The following MFSD2A variants were observed in gnomAD, a reference collection of about 807,000 sequenced individuals.
The protein encoded by MFSD2A is sodium-dependent lysophosphatidylcholine symporter 1.
In MFSD2A, 27 loss-of-function variants were observed where a neutral mutation model predicts 64.7. The observed-to-expected ratio is 0.42, with a 90% confidence interval of 0.31 to 0.58. The LOEUF is 0.58. Ranked by LOEUF, MFSD2A falls within the 20% of genes least tolerant of loss-of-function variation. The probability of loss-of-function intolerance (pLI) is 0.18; values close to 1 mark genes in which losing one functional copy is unlikely to be tolerated. For missense variants in MFSD2A, 474 were observed against 679.5 expected, an observed-to-expected ratio of 0.70 and a Z score of 3.36; for synonymous variants, 258 against 273.4, an observed-to-expected ratio of 0.94 and a Z score of 0.55.
chr1:39,965,164 C>A lies in MFSD2A; in HGVS notation c.354-47C>A. On this transcript the variant is annotated intron_variant, in intron 3 of 13. Transcript: ENST00000372811. This position sits in a 1 kb window ranked among gnomAD's most constrained non-coding sequence, Gnocchi z 5.5. ...CACAGCAGACTGGGCTGGGCCTGGTCCTGGGCTCCAGCCTCCAGCCTCCAC... is the reference window on the plus strand; with the variant it reads ...CACAGCAGACTGGGCTGGGCCTGGTACTGGGCTCCAGCCTCCAGCCTCCAC... The A allele has an allele frequency of 6.2e-7, 1 of 1,604,172 alleles. No individual in the cohort carries two copies. Among genetic ancestry groups the A allele is most frequent in the Non-Finnish European group, 8.5e-7 (1 of 1,177,462 alleles).
chr1:39,961,873 C>A (rs1645051585), intron 3 of MFSD2A, among the ~76,000 whole-genome samples: 1 of 152,136 alleles, frequency 6.6e-6, no homozygotes, highest in Non-Finnish European at 1.5e-5. Context: ...TGTGAGAGAC[C>A]AGATGTCAAG....
chr1:39,963,210 T>C lies in MFSD2A; in HGVS notation c.354-2001T>C. 2 of 1,579,558 alleles carry C rather than the reference T, an allele frequency of 1.3e-6. No individual in the cohort carries two copies. Among genetic ancestry groups the C allele is most frequent in the Admixed American group, 1.7e-5 (1 of 59,882 alleles). On this transcript the variant is annotated intron_variant, in intron 3 of 13. Transcript: ENST00000372811. This position sits in a 1 kb window ranked among gnomAD's most constrained non-coding sequence, Gnocchi z 4.2. ...GCTCATGATGGCTGGTATCGATGAC[T>C]GCTACACCTCAGCCCGGGGCTGCAC... is the stretch of plus-strand genomic sequence containing the variant.
chr1:39,958,220 G>A lies in MFSD2A; in HGVS notation c.229-481G>A, dbSNP rs1644968173. 1.3e-5 allele frequency among the ~76,000 whole-genome samples: 2 copies of A among 152,102 alleles called. No individual in the cohort carries two copies. Among genetic ancestry groups the A allele is most frequent in the African/African-American group, 4.8e-5 (2 of 41,412 alleles). On this transcript the variant is annotated intron_variant, in intron 2 of 13. Transcript: ENST00000372811. This position sits in a 1 kb window ranked among gnomAD's most constrained non-coding sequence, Gnocchi z 4.7. ...GGATAACTTGAGTGGGTAGTGACAAGTCCCTTTTTAAAAAGCATCTATAGG... is the reference window on the plus strand; with the variant it reads ...GGATAACTTGAGTGGGTAGTGACAAATCCCTTTTTAAAAAGCATCTATAGG...
chr1:39,955,305 GA>G lies in MFSD2A; in HGVS notation c.15del (p.Gly6AlafsTer25). 6.9e-7 allele frequency: 1 copy of G among 1,444,096 alleles called. No homozygotes were observed. Among genetic ancestry groups the G allele is most frequent in the Non-Finnish European group, 9.1e-7 (1 of 1,097,014 alleles). 89.5% of individuals were successfully genotyped at this position (1,444,096 alleles called of 1,614,324 possible). ...TGGCCCGCGGGTCATGGCCAAAGGA[GA>G]AGGCGCCGAGAGCGGCTCCGCGGCG... MAKGEGAESGSAAGL... is the reference protein window; with the variant it reads MAKGXGAESGSAAGL... On this transcript the variant is annotated frameshift_variant, in exon 1 of 14. Transcript: ENST00000372811. LOFTEE classifies it high-confidence loss of function. This position sits in a 1 kb window ranked among gnomAD's most constrained non-coding sequence, Gnocchi z 5.9.
intron 3 of MFSD2A, chr1:39,962,846 C>G: frequency 6.5e-7 from 1 of 1,538,312 alleles, no homozygotes. Context: ...TCCTGGGGGC[C>G]TCTCTCAAGG....
rs1219285965 is a variant in MFSD2A, at chr1:39,958,732, T to C, written c.260T>C (p.Phe87Ser). ...CCTTTCTCTGCCTCCATCATCCTGT[T>C]TGTGGGCCGAGCCTGGGATGCCATC... ...VGPFSASIIL[F>S]VGRAWDAITD... The change falls in exon 3 of 14, where the codon TTT becomes TCT. Residue 87 changes from phenylalanine to serine, a missense_variant. Physicochemically the swap from Phe to Ser is radical, Grantham distance 155. Transcript: ENST00000372811. This position sits in a 1 kb window ranked among gnomAD's most constrained non-coding sequence, Gnocchi z 4.7. 6.2e-7 allele frequency: 1 copy of C among 1,614,102 alleles called. No individual in the cohort carries two copies. The highest frequency in any genetic ancestry group is 1.7e-5 in the Admixed American group (1 of 60,010).
chr1:39,960,647 AC>A lies in MFSD2A; in HGVS notation c.353+1823del, dbSNP rs1240133388. Among the ~76,000 whole-genome samples the A allele has an allele frequency of 2.6e-5, 4 of 152,222 alleles. No individual in the cohort carries two copies. Among genetic ancestry groups the A allele is most frequent in the Non-Finnish European group, 5.9e-5 (4 of 68,034 alleles). On this transcript the variant is annotated intron_variant, in intron 3 of 13. Coordinates refer to ENST00000372811, the MANE Select transcript of MFSD2A (RefSeq NM_032793.5). This position sits in a 1 kb window ranked among gnomAD's most constrained non-coding sequence, Gnocchi z 4.8. ...GCTGCAGGCCGGGTTACTCCCAGTT[AC>A]ACTGGGTTCCTCAGCAGCAGCTGCT...
rs759174891 is a variant in MFSD2A at position 39,966,816 on chromosome 1, T to TA, written c.812dup (p.Tyr271Ter). The change falls in exon 8 of 14, where the codon TAT (tyrosine) becomes TAAT (stop). Residue 271 changes from tyrosine (Y) to a stop codon, truncating the protein, a stop_gained and frameshift_variant. Coordinates refer to ENST00000372811, the MANE Select transcript of MFSD2A (RefSeq NM_032793.5). LOFTEE classifies it high-confidence loss of function. ...ILGVREQREP[Y>*]EAQQSEPIAY... ...CTGTCCGCTCTGGCCCCCAGAACCC[T>TA]ATGAAGCCCAGCAGTCTGAGCCAAT... is the stretch of plus-strand genomic sequence containing the variant. 1 of 1,614,086 alleles carries TA rather than the reference T, an allele frequency of 6.2e-7. No homozygotes were observed. Among genetic ancestry groups the TA allele is most frequent in the Admixed American group, 1.7e-5 (1 of 60,016 alleles).
rs1014035962 is a variant in MFSD2A at position 39,960,416 on chromosome 1, C to T, written c.353+1591C>T. ...ATCCTGCCAGCCCCTGGCTAAGGCC[C>T]AGGTTGGAGCCTTTGATCCAGTCTT... On this transcript the variant is annotated intron_variant, in intron 3 of 13. Transcript: ENST00000372811. This position sits in a 1 kb window ranked among gnomAD's most constrained non-coding sequence, Gnocchi z 4.8. 4.7e-4 allele frequency among the ~76,000 whole-genome samples: 71 copies of T among 152,244 alleles called. No individual in the cohort carries two copies. Among genetic ancestry groups the T allele is most frequent in the Admixed American group, 2.6e-4 (4 of 15,288 alleles).
Position 39,965,356 on chromosome 1 carries a change from G to A in MFSD2A, c.477+22G>A, listed in dbSNP as rs368586824. On this transcript the variant is annotated intron_variant, in intron 4 of 13. Transcript: ENST00000372811. This position sits in a 1 kb window ranked among gnomAD's most constrained non-coding sequence, Gnocchi z 5.5. ...CACGGTGAGTGTGGGTACCTCCCTT[G>A]GGTGTCTCTAGGGGCCGGGAGGAGG... 3.7e-6 allele frequency: 6 copies of A among 1,613,770 alleles called. No homozygotes were observed. The highest frequency in any genetic ancestry group is 2.7e-5 in the African/African-American group (2 of 74,896).
At position 39,968,881 on chromosome 1, in the gene MFSD2A, C is replaced by A; in HGVS notation, c.1529+136C>A. 1 of 900,228 alleles carries A rather than the reference C, an allele frequency of 1.1e-6. No individual in the cohort carries two copies. Among genetic ancestry groups the A allele is most frequent in the Non-Finnish European group, 1.7e-6 (1 of 595,864 alleles). The allele number at this position is 900,228 out of a possible 1,614,324, so 55.8% of individuals were successfully genotyped here. A position where few individuals can be genotyped will look rare whatever the true frequency, so the allele number is the denominator to read the frequency against. On this transcript the variant is annotated intron_variant, in intron 13 of 13. Transcript: ENST00000372811. This position sits in a 1 kb window ranked among gnomAD's most constrained non-coding sequence, Gnocchi z 4.4. ...GACAGCTGTAACACTTAAGTACGCA[C>A]CAGGCACTGTGTTAAGTGGTCTTAC...
Position 39,958,849 on chromosome 1 carries a change from G to A in MFSD2A, c.353+24G>A. On this transcript the variant is annotated intron_variant, in intron 3 of 13. Transcript: ENST00000372811. The surrounding 1 kb of genome is among the most constrained non-coding windows in gnomAD (Gnocchi z 4.7). ...TGGTGAGTAGAATATGCCCCTTCGAGGTGGCACAAGGCAGGACTTCCAGCA... is the reference window on the plus strand; with the variant it reads ...TGGTGAGTAGAATATGCCCCTTCGAAGTGGCACAAGGCAGGACTTCCAGCA... The A allele has an allele frequency of 6.4e-7, 1 of 1,566,532 alleles. No individual in the cohort carries two copies. Among genetic ancestry groups the A allele is most frequent in the African/African-American group, 1.4e-5 (1 of 73,526 alleles).
Position 39,955,613 on chromosome 1 carries a change from G to T in MFSD2A, c.93+228G>T. 1 of 691,388 alleles carries T rather than the reference G, an allele frequency of 1.4e-6. No homozygotes were observed. Among genetic ancestry groups the T allele is most frequent in the South Asian group, 1.5e-5 (1 of 66,152 alleles). The allele number at this position is 691,388 out of a possible 1,614,324, so 42.8% of individuals were successfully genotyped here. A position where few individuals can be genotyped will look rare whatever the true frequency, so the allele number is the denominator to read the frequency against. On this transcript the variant is annotated intron_variant, in intron 1 of 13. Coordinates refer to ENST00000372811, the MANE Select transcript of MFSD2A (RefSeq NM_032793.5). This position sits in a 1 kb window ranked among gnomAD's most constrained non-coding sequence, Gnocchi z 5.9. Reference sequence around the variant, plus strand: ...ACCCGCACTCCACGCTCTGCGGAGAGGCTCTGCCGGCAGCCCCATGTGATT... The same window carrying T: ...ACCCGCACTCCACGCTCTGCGGAGATGCTCTGCCGGCAGCCCCATGTGATT...
Position 39,965,169 on chromosome 1 carries a change from G to A in MFSD2A, c.354-42G>A. Reference sequence around the variant, plus strand: ...CAGACTGGGCTGGGCCTGGTCCTGGGCTCCAGCCTCCAGCCTCCACTCACA... The same window carrying A: ...CAGACTGGGCTGGGCCTGGTCCTGGACTCCAGCCTCCAGCCTCCACTCACA... On this transcript the variant is annotated intron_variant, in intron 3 of 13. Transcript: ENST00000372811. This position sits in a 1 kb window ranked among gnomAD's most constrained non-coding sequence, Gnocchi z 5.5. 1.2e-6 allele frequency: 2 copies of A among 1,611,870 alleles called. No individual in the cohort carries two copies.
chr1:39,962,900 C>T (rs1266050709), intron 3 of MFSD2A: 16 of 1,575,796 alleles, frequency 1.0e-5, no homozygotes, highest in Admixed American at 1.8e-5. Context: ...AGACCCGTGC[C>T]GGCCAGCGCA....
chr1:39,967,210 G>T (rs1417447497), intron 9 of MFSD2A, 41 bp downstream of exon 9: 2 of 1,554,924 alleles, frequency 1.3e-6, no homozygotes, highest in South Asian at 1.1e-5. Flanking sequence ...CTGGGCTGAG[G>T]TGACATAGGC....
intron 6 of MFSD2A, 131 bp downstream of exon 6, chr1:39,966,145 G>A: frequency 9.5e-7 from 1 of 1,053,312 alleles, no homozygotes; most frequent in Non-Finnish European, 1.4e-6. Context: ...AACAATTAAT[G>A]CACCCAATAT....
In MFSD2A at chr1:39,960,528, C is replaced by T. The variant is rs1170615408; in HGVS notation, c.353+1703C>T. On this transcript the variant is annotated intron_variant, in intron 3 of 13. Coordinates refer to ENST00000372811, the MANE Select transcript of MFSD2A (RefSeq NM_032793.5). The surrounding 1 kb of genome is among the most constrained non-coding windows in gnomAD (Gnocchi z 4.8). The stretch of plus-strand genomic sequence containing the variant: ...CAGCCCGTGAGACTTGGCCCTGTGC[C>T]CGCCTCCCTGGCAGCCAGTAGAAGG... Among the ~76,000 whole-genome samples, 5 of 152,244 alleles carry T rather than the reference C, an allele frequency of 3.3e-5. No individual in the cohort carries two copies. Among genetic ancestry groups the T allele is most frequent in the Non-Finnish European group, 7.3e-5 (5 of 68,040 alleles).
chr1:39,966,753 G>C, intron 7 of MFSD2A, 58 bp from the exon 8 acceptor site: 1 of 1,613,370 alleles, frequency 6.2e-7, no homozygotes, highest in South Asian at 1.1e-5. Flanking sequence ...TTTCTGCCTG[G>C]CCCTCAGGCT....
Sources: allele counts gnomAD v4.1 joint callset (sites outside exome capture counted in the v4.1 genomes callset), GRCh38; gene constraint gnomAD v4.1.1; non-coding constraint Gnocchi (gnomAD v3.1); transcripts MANE v1.5; gene names NCBI Gene and HGNC (gene_info 2026-07-23, HGNC 2026-07-21).